ULK4: variants seen among roughly 807,000 people sequenced by gnomAD.
ULK4 encodes the protein inactive serine/threonine-protein kinase ULK4.
In ULK4, 133 loss-of-function variants were observed where a neutral mutation model predicts 160.6. The ratio of observed to expected loss-of-function variants is 0.83; its 90% CI spans 0.72 to 0.96. ULK4 has a LOEUF of 0.96. Among genes scored for constraint, ULK4 ranks in the 40% least tolerant of loss-of-function variants. The pLI is 0.00. For missense variants in ULK4, 1,580 were observed against 1,499.5 expected (o/e 1.05, Z -0.89); for synonymous variants, 534 against 539.8 (o/e 0.99, Z 0.15).
intron 18 of ULK4, among the ~76,000 whole-genome samples, chr3:41,835,591 T>C (rs1438719415): frequency 6.6e-6 from 1 of 152,162 alleles, no homozygotes; most frequent in Non-Finnish European, 1.5e-5. Flanking sequence ...CCTTAGGGAC[T>C]TTCAGTCCAT....
chr3:41,960,813 A>G (rs1345152074), intron 1 of ULK4, among the ~76,000 whole-genome samples: 1 of 152,228 alleles, frequency 6.6e-6, no homozygotes, highest in African/African-American at 2.4e-5. Flanking sequence ...ACACAAGTAC[A>G]GAAAACTCCA....
rs542750209 is a variant in ULK4, at chr3:41,748,418, G to C, written c.2321+5943C>G. Among the ~76,000 whole-genome samples, 13 of 152,106 alleles carry C rather than the reference G, an allele frequency of 8.5e-5. No individual in the cohort carries two copies. The East Asian group carries it at 2.5e-3, about 29-fold the overall frequency. Reference sequence around the variant, plus strand: ...AGGTTTCTTAATGGGATTTTGGTCAGTAAAATACATTATGAAAGAAATATT... The same window carrying C: ...AGGTTTCTTAATGGGATTTTGGTCACTAAAATACATTATGAAAGAAATATT... On this transcript the variant is annotated intron_variant, in intron 22 of 36. Transcript: ENST00000301831.
At chr3:41,806,379 T>C (rs770693546) in intron 19 of ULK4, among the ~76,000 whole-genome samples, 10 of 152,206 alleles carry the variant, frequency 6.6e-5, no homozygotes, top group Non-Finnish European at 1.5e-4. Flanking sequence ...CTCTCTTTTC[T>C]TCTTTATTAG....
chr3:41,715,808 T>A (rs2037246249), intron 23 of ULK4, among the ~76,000 whole-genome samples: 2 of 151,832 alleles, frequency 1.3e-5, no homozygotes, highest in Admixed American at 1.3e-4. Context: ...AAATGAAAAA[T>A]AAAATTTAAT....
intron 32 of ULK4, among the ~76,000 whole-genome samples, chr3:41,560,000 A>G (rs536340888): frequency 2.0e-5 from 3 of 152,218 alleles, no homozygotes; most frequent in African/African-American, 4.8e-5. Context: ...TATGGTTTTA[A>G]GTCTAACATT....
At chr3:41,545,138 G>C (rs2086814401) in intron 32 of ULK4, among the ~76,000 whole-genome samples, 1 of 152,046 alleles carries the variant, frequency 6.6e-6, no homozygotes, top group Middle Eastern at 3.4e-3. Flanking sequence ...TCACCTTTCT[G>C]GAAACCTACC....
At chr3:41,779,699 A>G (rs2039750461) in intron 21 of ULK4, among the ~76,000 whole-genome samples, 1 of 41,016 alleles carries the variant, frequency 2.4e-5, no homozygotes. Context: ...CATGGATGAA[A>G]TTGGAAACCA....
chr3:41,873,289 G>C (rs1697179871), intron 17 of ULK4, among the ~76,000 whole-genome samples: 1 of 141,878 alleles, frequency 7.0e-6, no homozygotes, highest in Admixed American at 7.8e-5. Flanking sequence ...AAGGCTCTTA[G>C]CTCCATCTAA....
rs575436550 is a variant in ULK4 at position 41,902,082 on chromosome 3, A to C, written c.1183-1253T>G. 4.5e-4 allele frequency among the ~76,000 whole-genome samples: 69 copies of C among 152,326 alleles called. 1 individual carries two copies. The highest frequency in any genetic ancestry group is 1.4e-3 in the African/African-American group (59 of 41,588). ...CAACAGGGAAAAAAAAAAGAGAGAGAGAATTTATGCTTAAGAACTTTAAAA... is the reference window on the plus strand; with the variant it reads ...CAACAGGGAAAAAAAAAAGAGAGAGCGAATTTATGCTTAAGAACTTTAAAA... On this transcript the variant is annotated intron_variant, in intron 12 of 36. Transcript: ENST00000301831.
intron 32 of ULK4, among the ~76,000 whole-genome samples, chr3:41,496,118 C>T (rs1255637556): frequency 6.6e-6 from 1 of 151,864 alleles, no homozygotes; most frequent in Non-Finnish European, 1.5e-5. Context: ...GGTCAATTTT[C>T]ACCTATTTGT....
intron 18 of ULK4, among the ~76,000 whole-genome samples, chr3:41,825,140 C>A (rs1207519295): frequency 6.6e-6 from 1 of 152,144 alleles, no homozygotes; most frequent in Admixed American, 6.5e-5. Flanking sequence ...ACAGAAGGGA[C>A]ATCCACACCA....
chr3:41,596,446 C>T (rs774563893), intron 31 of ULK4, among the ~76,000 whole-genome samples: 6 of 151,978 alleles, frequency 3.9e-5, no homozygotes, highest in Non-Finnish European at 7.4e-5. Context: ...CAAGGGAATT[C>T]GGGTGTTTTC....
intron 22 of ULK4, among the ~76,000 whole-genome samples, chr3:41,736,964 G>T (rs1361851014): frequency 6.6e-6 from 1 of 151,812 alleles, no homozygotes; most frequent in Non-Finnish European, 1.5e-5. Flanking sequence ...TTTCCCCATT[G>T]CTTGTGTTTG....
intron 21 of ULK4, among the ~76,000 whole-genome samples, chr3:41,786,624 G>A (rs1374060649): frequency 3.4e-5 from 5 of 145,178 alleles, no homozygotes; most frequent in African/African-American, 1.3e-4. Context: ...AAAAGCAAAT[G>A]TTCAATAAAT....
At chr3:41,475,020 T>C (rs774690910) in intron 32 of ULK4, among the ~76,000 whole-genome samples, 5 of 152,094 alleles carry the variant, frequency 3.3e-5, no homozygotes, top group East Asian at 1.9e-4. Context: ...AATCAACACA[T>C]TGAAGAGATA....
At chr3:41,590,638 A>G (rs1338276861) in intron 31 of ULK4, among the ~76,000 whole-genome samples, 1 of 151,612 alleles carries the variant, frequency 6.6e-6, no homozygotes, top group African/African-American at 2.4e-5. Context: ...TCTGTCTCAA[A>G]CAAACAAACA....
At position 41,667,040 on chromosome 3, in the gene ULK4, G is replaced by C. The variant is rs190164767; in HGVS notation, c.2979-3341C>G. Among the ~76,000 whole-genome samples, 14 of 152,102 alleles carry C rather than the reference G, an allele frequency of 9.2e-5. No homozygotes were observed. In the East Asian group the frequency reaches 2.7e-3, roughly 29 times the overall value. The stretch of plus-strand genomic sequence containing the variant: ...GCAAGGGCACAAACCTATAGTACTA[G>C]CTATTCAGGAGGCTGAGGTGGGAGG... On this transcript the variant is annotated intron_variant, in intron 29 of 36. Coordinates refer to ENST00000301831, the MANE Select transcript of ULK4 (RefSeq NM_017886.4).
intron 21 of ULK4, among the ~76,000 whole-genome samples, chr3:41,770,498 T>C (rs983216481): frequency 6.7e-6 from 1 of 149,878 alleles, no homozygotes; most frequent in African/African-American, 2.5e-5. Flanking sequence ...ACATTGATTT[T>C]ATAGAAAGAT....
At chr3:41,933,397 C>CA (rs1170601888) in intron 4 of ULK4, among the ~76,000 whole-genome samples, 1 of 152,174 alleles carries the variant, frequency 6.6e-6, no homozygotes, top group Non-Finnish European at 1.5e-5. Flanking sequence ...CATTTCATTT[C>CA]AATGGAATCT....
Sources: gnomAD v4.1 joint callset for allele counts (sites outside exome capture counted in the v4.1 genomes callset) on GRCh38, gnomAD v4.1.1 for gene constraint, MANE v1.5 for transcripts, NCBI Gene and HGNC (gene_info 2026-07-23, HGNC 2026-07-21) for gene names.